ITGA9: variants seen among roughly 807,000 people sequenced by gnomAD.
ITGA9 encodes integrin subunit alpha 9, also known as integrin alpha-9.
In ITGA9, 56 loss-of-function variants were observed where a neutral mutation model predicts 127.8. The observed-to-expected ratio is 0.44, with a 90% CI of 0.35 to 0.55. The LOEUF is 0.55. Among genes scored for constraint, ITGA9 ranks in the 20% least tolerant of loss-of-function variants. ITGA9 has a pLI of 0.00. For synonymous variants in ITGA9, 508 were observed against 514.5 expected, an observed-to-expected ratio of 0.99 and a Z score of 0.17; for missense variants, 1,196 against 1,347.1, an observed-to-expected ratio of 0.89 and a Z score of 1.76.
At chr3:37,778,881 T>G (rs1035662092) in intron 24 of ITGA9, among the ~76,000 whole-genome samples, 1 of 149,294 alleles carries the variant, frequency 6.7e-6, no homozygotes, top group African/African-American at 2.5e-5. Flanking sequence ...GGTTTTTTTT[T>G]TTTTTTTTTT....
intron 15 of ITGA9, among the ~76,000 whole-genome samples, chr3:37,619,982 G>A (rs1050027477): frequency 6.6e-6 from 1 of 152,162 alleles, no homozygotes; most frequent in African/African-American, 2.4e-5. Flanking sequence ...TCCTCCCTGT[G>A]AAAGGGGTCA....
At chr3:37,705,518 T>C (rs1226468151) in intron 18 of ITGA9, among the ~76,000 whole-genome samples, 2 of 152,210 alleles carry the variant, frequency 1.3e-5, no homozygotes, top group South Asian at 4.1e-4. Flanking sequence ...AGGTTCAGAA[T>C]AGTTTCTTCT....
At chr3:37,737,234 T>A (rs1417032088) in intron 20 of ITGA9, among the ~76,000 whole-genome samples, 1 of 152,208 alleles carries the variant, frequency 6.6e-6, no homozygotes, top group Non-Finnish European at 1.5e-5. Flanking sequence ...AGGTGATGAT[T>A]CTACAGCTGA....
At chr3:37,711,515 C>T (rs1322455650) in intron 18 of ITGA9, among the ~76,000 whole-genome samples, 1 of 152,172 alleles carries the variant, frequency 6.6e-6, no homozygotes, top group Non-Finnish European at 1.5e-5. Context: ...GTAATCCTTC[C>T]ACCTCAGCCT....
At chr3:37,706,116 A>C (rs948514525) in intron 18 of ITGA9, among the ~76,000 whole-genome samples, 2 of 152,180 alleles carry the variant, frequency 1.3e-5, no homozygotes, top group African/African-American at 4.8e-5. Flanking sequence ...GGCTTTGCAG[A>C]GTGAGGACCC....
At chr3:37,644,652 A>C (rs1700361215) in intron 16 of ITGA9, among the ~76,000 whole-genome samples, 2 of 152,262 alleles carry the variant, frequency 1.3e-5, no homozygotes, top group Admixed American at 6.5e-5. Flanking sequence ...TGGAGTAAAA[A>C]AAACACCCAA....
intron 16 of ITGA9, among the ~76,000 whole-genome samples, chr3:37,630,439 T>C (rs1283288113): frequency 6.6e-6 from 1 of 152,144 alleles, no homozygotes; most frequent in Non-Finnish European, 1.5e-5. Context: ...TGGTCTCAGA[T>C]AAAGTCTGGC....
chr3:37,469,812 T>C (rs1698409105), intron 1 of ITGA9, among the ~76,000 whole-genome samples: 1 of 152,340 alleles, frequency 6.6e-6, no homozygotes, highest in East Asian at 1.9e-4. Context: ...TGTTTTGTTT[T>C]TGAGACAGAG....
At chr3:37,780,987 A>T (rs980118281) in intron 25 of ITGA9, among the ~76,000 whole-genome samples, 27 of 152,382 alleles carry the variant, frequency 1.8e-4, no homozygotes, top group Non-Finnish European at 3.2e-4. Context: ...GAGGACCAGC[A>T]GCATCAGCAT....
At chr3:37,715,834 G>T (rs890145161) in intron 18 of ITGA9, among the ~76,000 whole-genome samples, 1 of 152,198 alleles carries the variant, frequency 6.6e-6, no homozygotes, top group South Asian at 2.1e-4. Context: ...AAGGAGAAGA[G>T]GGGGACTAGA....
In ITGA9 at chr3:37,478,148, G is replaced by A. The variant is rs149084844; in HGVS notation, c.421-3336G>A. Reference sequence around the variant, plus strand: ...CCTGGCCACTTCCTCCTCGGTTGGGGAGCTTCTTAGGGGAGTCTCATGGCA... The same window carrying A: ...CCTGGCCACTTCCTCCTCGGTTGGGAAGCTTCTTAGGGGAGTCTCATGGCA... On this transcript the variant is annotated intron_variant, in intron 3 of 27. Transcript: ENST00000264741. Among the ~76,000 whole-genome samples the A allele has an allele frequency of 1.2e-4, 18 of 152,230 alleles. No individual in the cohort carries two copies. In the East Asian group the frequency reaches 2.9e-3, roughly 24 times the overall value.
intron 1 of ITGA9, among the ~76,000 whole-genome samples, chr3:37,465,551 A>T (rs1201403623): frequency 3.3e-5 from 5 of 152,218 alleles, no homozygotes; most frequent in Admixed American, 1.3e-4. Flanking sequence ...TGAGCAAGAA[A>T]GCACCCTTGT....
chr3:37,570,565 G>A (rs1699590543), intron 15 of ITGA9, among the ~76,000 whole-genome samples: 1 of 152,218 alleles, frequency 6.6e-6, no homozygotes, highest in African/African-American at 2.4e-5. Flanking sequence ...AAAGGAGTAT[G>A]TGAGATTCCC....
At chr3:37,473,167 A>G (rs904951638) in intron 2 of ITGA9, among the ~76,000 whole-genome samples, 187 bp from the exon 3 acceptor site, 4 of 151,458 alleles carry the variant, frequency 2.6e-5, no homozygotes, top group Non-Finnish European at 4.4e-5. Context: ...AAAAAGAAAG[A>G]AAAAGAAAGC....
intron 17 of ITGA9, among the ~76,000 whole-genome samples, chr3:37,679,509 G>GC (rs34109525): frequency 0.19 from 29,399 of 152,120 alleles, 3,536 homozygotes; most frequent in Admixed American, 0.29. Context: ...ACCCTGCATG[G>GC]CCGGGTGACC....
chr3:37,736,306 G>A (rs1170308295), intron 19 of ITGA9, among the ~76,000 whole-genome samples: 3 of 152,118 alleles, frequency 2.0e-5, no homozygotes, highest in East Asian at 1.9e-4. Flanking sequence ...TCAGGAGAAC[G>A]TCTCCAATCC....
chr3:37,723,311 A>C (rs930322528), intron 18 of ITGA9, among the ~76,000 whole-genome samples: 11 of 149,198 alleles, frequency 7.4e-5, no homozygotes, highest in Middle Eastern at 6.8e-3. Context: ...AATTTTGATG[A>C]TATCCAGATT....
chr3:37,573,046 G>C (rs998455373), intron 15 of ITGA9: 4 of 152,154 alleles, frequency 2.6e-5, no homozygotes, highest in African/African-American at 9.7e-5. Context: ...GCTTCTGTTA[G>C]TCCCATTTTA....
At position 37,562,014 on chromosome 3, in the gene ITGA9, A is replaced by T. The variant is rs1390392452; in HGVS notation, c.1689+19429A>T. The stretch of plus-strand genomic sequence containing the variant: ...CTGTATAGAATGCCTGGGAAATGCA[A>T]CACTGGCCATCCTTCAGCTCTTCTG... On this transcript the variant is annotated intron_variant, in intron 15 of 27. Transcript: ENST00000264741. Among the ~76,000 whole-genome samples the T allele has an allele frequency of 2.6e-5, 4 of 152,188 alleles. No individual in the cohort carries two copies. The South Asian group carries it at 8.3e-4, about 32-fold the overall frequency.
Sources: allele counts gnomAD v4.1 joint callset (sites outside exome capture counted in the v4.1 genomes callset), GRCh38; gene constraint gnomAD v4.1.1; transcripts MANE v1.5; gene names NCBI Gene and HGNC (gene_info 2026-07-23, HGNC 2026-07-21).